RABL3: variants seen among roughly 807,000 people sequenced by gnomAD.
RABL3 encodes the protein rab-like protein 3.
Under a neutral mutation model 31.8 loss-of-function variants are expected in RABL3, and 31 were observed. That is an observed-to-expected ratio of 0.97 (90% CI 0.73 to 1.31). The LOEUF is 1.31. RABL3 is among the 40% of genes most tolerant of loss of function. The pLI is 0.00. For missense variants in RABL3, 263 were observed against 279.6 expected (o/e 0.94, Z 0.42); for synonymous variants, 97 against 99.9 (o/e 0.97, Z 0.18).
At chr3:120,713,040 T>C (rs1576338176) in intron 2 of RABL3, among the ~76,000 whole-genome samples, 1 of 152,112 alleles carries the variant, frequency 6.6e-6, no homozygotes, top group Non-Finnish European at 1.5e-5. Context: ...CCATTTTTTT[T>C]CTCTAAATTA....
intron 2 of RABL3, among the ~76,000 whole-genome samples, chr3:120,721,307 A>G (rs1406653929): frequency 7.9e-5 from 12 of 152,210 alleles, no homozygotes; most frequent in African/African-American, 1.2e-4. Context: ...CTAACATTAT[A>G]ATGACAGGAT....
rs770981674 is a variant in RABL3, at chr3:120,709,896, T to C, written c.152A>G (p.Lys51Arg). The change falls in exon 3 of 8, where the codon AAA (lysine) becomes AGA (arginine). Residue 51 changes from lysine (K) to arginine (R), a missense_variant. Coordinates refer to ENST00000273375, the MANE Select transcript of RABL3 (RefSeq NM_173825.5). ...CSVDVRVHDY[K>R]EGTPEEKTYY... Reference sequence around the variant, plus strand: ...GGTCTTCTCTTCTGGGGTTCCTTCTTTGTAATCATGAACCTAACAAATCAA... The same window carrying C: ...GGTCTTCTCTTCTGGGGTTCCTTCTCTGTAATCATGAACCTAACAAATCAA... 8 of 1,599,508 alleles carry C rather than the reference T, an allele frequency of 5.0e-6. No individual in the cohort carries two copies. In the East Asian group the frequency reaches 1.8e-4, roughly 36 times the overall value.
intron 6 of RABL3, among the ~76,000 whole-genome samples, chr3:120,690,732 A>C (rs1708370655): frequency 6.6e-6 from 1 of 152,206 alleles, no homozygotes; most frequent in Admixed American, 6.5e-5. Flanking sequence ...ATGAATAACA[A>C]AAACTAAATA....
In RABL3 at chr3:120,731,393, C is replaced by T. The variant is rs1188982688; in HGVS notation, c.47-606G>A. Among the ~76,000 whole-genome samples, 3 of 152,150 alleles carry T rather than the reference C, an allele frequency of 2.0e-5. No individual in the cohort carries two copies. In the East Asian group the frequency reaches 5.8e-4, roughly 29 times the overall value. ...ATAGTGATTTAAAAAAAGCAGCCAA[C>T]CACTTAGCCAAGACTTACCTTTTGG... On this transcript the variant is annotated intron_variant, in intron 1 of 7. Coordinates refer to ENST00000273375, the MANE Select transcript of RABL3 (RefSeq NM_173825.5).
intron 5 of RABL3, among the ~76,000 whole-genome samples, chr3:120,694,958 G>C (rs996671790): frequency 2.7e-5 from 4 of 149,842 alleles, no homozygotes; most frequent in African/African-American, 7.4e-5. Flanking sequence ...TTCCAGTCTA[G>C]CTGTTTTTTT....
intron 2 of RABL3, among the ~76,000 whole-genome samples, chr3:120,716,027 G>C (rs898699367): frequency 6.6e-6 from 1 of 152,240 alleles, no homozygotes; most frequent in Non-Finnish European, 1.5e-5. Context: ...CATATGCTTA[G>C]TGAAGATAGA....
At chr3:120,694,247 C>T in intron 5 of RABL3, 23 bp from the exon 6 acceptor site, 1 of 1,564,332 alleles carries the variant, frequency 6.4e-7, no homozygotes. Flanking sequence ...ACATAAGATC[C>T]ACAATTGAAA....
At chr3:120,716,695 A>G (rs961399815) in intron 2 of RABL3, among the ~76,000 whole-genome samples, 11 of 152,170 alleles carry the variant, frequency 7.2e-5, no homozygotes, top group Non-Finnish European at 1.6e-4. Flanking sequence ...TCATCAATCT[A>G]CACTAATTCT....
chr3:120,694,368 T>G, intron 5 of RABL3, 144 bp from the exon 6 acceptor site: 3 of 562,212 alleles, frequency 5.3e-6, no homozygotes, highest in Non-Finnish European at 9.7e-6. Flanking sequence ...AATTTTCAAA[T>G]TATGGTGCAC....
chr3:120,706,139 T>C (rs1708546412), intron 3 of RABL3, 25 bp from the exon 4 acceptor site: 1 of 1,402,936 alleles, frequency 7.1e-7, no homozygotes, highest in Non-Finnish European at 1.0e-6. Flanking sequence ...GAAAACAATG[T>C]TAATCCCTTA....
rs1708297759 is a variant in RABL3 at position 120,685,405 on chromosome 3, G to A, written c.*4418C>T. Among the ~76,000 whole-genome samples, 3 of 152,156 alleles carry A rather than the reference G, an allele frequency of 2.0e-5. No homozygotes were observed. The highest frequency in any genetic ancestry group is 6.5e-5 in the Admixed American group (1 of 15,278). ...TTTGTCATTAGTTATTGATGACCTC[G>A]GTAAAGCTTAGTGATTAGCCAGCTG... On this transcript the variant is annotated 3_prime_UTR_variant, in exon 8 of 8. Transcript: ENST00000273375.
At chr3:120,696,362 T>C (rs566238498) in intron 5 of RABL3, among the ~76,000 whole-genome samples, 1 of 152,210 alleles carries the variant, frequency 6.6e-6, no homozygotes, top group Non-Finnish European at 1.5e-5. Flanking sequence ...CTATTTCTTT[T>C]TGAAACTCTT....
At chr3:120,690,342 GCCTATAAAGGGCTTT>G in intron 7 of RABL3, 92 bp downstream of exon 7, 1 of 727,172 alleles carries the variant, frequency 1.4e-6, no homozygotes, top group African/African-American at 1.8e-5. Flanking sequence ...AGTTGCTTGT[GCCTATAAAGGGCTTT>G]CCCCAACTTT....
chr3:120,737,096 C>G (rs565469561), intron 1 of RABL3, among the ~76,000 whole-genome samples: 37 of 152,300 alleles, frequency 2.4e-4, no homozygotes, highest in Non-Finnish European at 4.3e-4. Context: ...GGGAACTTCT[C>G]CTGGATAATA....
intron 2 of RABL3, among the ~76,000 whole-genome samples, chr3:120,719,380 G>A (rs187173022): frequency 6.6e-6 from 1 of 152,336 alleles, no homozygotes; most frequent in East Asian, 1.9e-4. Context: ...CGCACCGAGT[G>A]TGAGTCGAAG....
At chr3:120,723,846 T>C (rs1359777002) in intron 2 of RABL3, among the ~76,000 whole-genome samples, 1 of 152,084 alleles carries the variant, frequency 6.6e-6, no homozygotes, top group Admixed American at 6.6e-5. Flanking sequence ...AATATCATAC[T>C]GAATGGGCAA....
At chr3:120,723,701 A>C (rs1403179997) in intron 2 of RABL3, among the ~76,000 whole-genome samples, 1 of 152,220 alleles carries the variant, frequency 6.6e-6, no homozygotes, top group Non-Finnish European at 1.5e-5. Flanking sequence ...CAAAAATCAC[A>C]TGATTATGTC....
intron 2 of RABL3, among the ~76,000 whole-genome samples, chr3:120,718,241 T>G (rs190207150): frequency 6.6e-6 from 1 of 152,212 alleles, no homozygotes; most frequent in East Asian, 1.9e-4. Context: ...TCCTCTCAGA[T>G]AGATGCTGTT....
rs145150006 is a variant in RABL3 at position 120,689,136 on chromosome 3, C to T, written c.*687G>A. 3 of 152,242 alleles carry T rather than the reference C, an allele frequency of 2.0e-5. No homozygotes were observed. The East Asian group carries it at 5.8e-4, about 29-fold the overall frequency. The allele number at this position is 152,242 out of a possible 1,614,324, so 9.4% of individuals were successfully genotyped here. A position where few individuals can be genotyped will look rare whatever the true frequency, so the allele number is the denominator to read the frequency against. On this transcript the variant is annotated 3_prime_UTR_variant, in exon 8 of 8. Coordinates refer to ENST00000273375, the MANE Select transcript of RABL3 (RefSeq NM_173825.5). ...GAGTGAGGGAGCTGTCAATTTTTCA[C>T]ATCATTTTACCAGAATTCTTTTTTT...
Sources: allele counts gnomAD v4.1 joint callset (sites outside exome capture counted in the v4.1 genomes callset), GRCh38; gene constraint gnomAD v4.1.1; transcripts MANE v1.5; gene names NCBI Gene and HGNC (gene_info 2026-07-23, HGNC 2026-07-21).